CEP70: variants seen among roughly 807,000 people sequenced by gnomAD.
CEP70 encodes the protein centrosomal protein 70, also known as centrosomal protein of 70 kDa.
CEP70 carries 70 observed loss-of-function variants against 90.9 expected under a neutral mutation model. The ratio of observed to expected loss-of-function variants is 0.77; its 90% CI spans 0.64 to 0.94. The LOEUF (loss-of-function observed/expected upper bound fraction) is 0.94. Among genes scored for constraint, CEP70 ranks in the 40% least tolerant of loss-of-function variants. The pLI is 0.00. For missense variants in CEP70, 648 were observed against 669.0 expected (o/e 0.97, Z 0.35); for synonymous variants, 220 against 228.3 (o/e 0.96, Z 0.33).
chr3:138,531,992 T>C (rs910700174), intron 8 of CEP70, among the ~76,000 whole-genome samples: 1 of 152,184 alleles, frequency 6.6e-6, no homozygotes, highest in Non-Finnish European at 1.5e-5. Context: ...ATTAAAGCAT[T>C]TTAGATTATA....
chr3:138,529,137 C>T (rs1055155468), intron 10 of CEP70, 62 bp downstream of exon 10: 8 of 998,294 alleles, frequency 8.0e-6, no homozygotes, highest in East Asian at 2.5e-5. Flanking sequence ...CTGCACTTGG[C>T]CTGAGTGACA....
At chr3:138,513,793 CTTTG>C (rs1056036733) in intron 11 of CEP70, among the ~76,000 whole-genome samples, 7 of 152,064 alleles carry the variant, frequency 4.6e-5, no homozygotes, top group Non-Finnish European at 1.0e-4. Flanking sequence ...AGTGTAGTAC[CTTTG>C]TTTATCTTAT....
intron 2 of CEP70, among the ~76,000 whole-genome samples, chr3:138,574,192 G>A (rs1389664968): frequency 6.6e-6 from 1 of 152,188 alleles, no homozygotes; most frequent in Admixed American, 6.5e-5. Context: ...CCTAGCCAAA[G>A]GAAGCCGTGA....
chr3:138,529,751 AG>A (rs920138125), intron 8 of CEP70, among the ~76,000 whole-genome samples: 5 of 152,192 alleles, frequency 3.3e-5, no homozygotes, highest in Admixed American at 2.6e-4. Context: ...GGAATATAAG[AG>A]GAGGTGAAAA....
intron 11 of CEP70, among the ~76,000 whole-genome samples, chr3:138,514,213 C>T (rs186765451): frequency 4.7e-4 from 71 of 152,258 alleles, no homozygotes; most frequent in African/African-American, 1.6e-3. Flanking sequence ...GTTTCCCTGT[C>T]TCTGTTGGAA....
At chr3:138,514,212 T>C (rs1455761008) in intron 11 of CEP70, among the ~76,000 whole-genome samples, 1 of 152,234 alleles carries the variant, frequency 6.6e-6, no homozygotes, top group Middle Eastern at 3.2e-3. Flanking sequence ...TGTTTCCCTG[T>C]CTCTGTTGGA....
At chr3:138,549,205 G>A (rs888364468) in intron 6 of CEP70, among the ~76,000 whole-genome samples, 2 of 151,020 alleles carry the variant, frequency 1.3e-5, no homozygotes, top group Admixed American at 1.3e-4. Flanking sequence ...CTTTCTGGCC[G>A]AACTCGGGGA....
chr3:138,568,856 G>T (rs1384195878), intron 6 of CEP70, among the ~76,000 whole-genome samples: 1 of 151,934 alleles, frequency 6.6e-6, no homozygotes, highest in African/African-American at 2.4e-5. Flanking sequence ...GTGCATGCCT[G>T]TAGTCCCAGC....
chr3:138,498,221 CTT>C (rs1209773239), intron 16 of CEP70, 111 bp from the exon 17 acceptor site: 2 of 698,394 alleles, frequency 2.9e-6, no homozygotes, highest in Non-Finnish European at 4.7e-6. Flanking sequence ...TAAATATAAA[CTT>C]AATGATCATT....
At chr3:138,575,297 G>A (rs1199675043) in intron 2 of CEP70, among the ~76,000 whole-genome samples, 1 of 152,190 alleles carries the variant, frequency 6.6e-6, no homozygotes, top group Non-Finnish European at 1.5e-5. Context: ...CGAGAACTAT[G>A]TGACACATGC....
intron 7 of CEP70, among the ~76,000 whole-genome samples, chr3:138,535,382 C>A (rs1346756946): frequency 1.3e-5 from 2 of 152,134 alleles, no homozygotes; most frequent in Non-Finnish European, 1.5e-5. Flanking sequence ...ATCCTATCTG[C>A]CCCACCTTAT....
At chr3:138,533,722 A>G (rs1467390352) in intron 7 of CEP70, among the ~76,000 whole-genome samples, 1 of 152,202 alleles carries the variant, frequency 6.6e-6, no homozygotes, top group African/African-American at 2.4e-5. Flanking sequence ...TAGGAAAGCA[A>G]GCAGATTTGT....
chr3:138,496,459 C>T (rs1404420011), intron 17 of CEP70: 2 of 985,274 alleles, frequency 2.0e-6, no homozygotes, highest in African/African-American at 3.5e-5. Context: ...GGTACAAGAT[C>T]AAGGTATTCC....
chr3:138,555,510 A>G (rs1194570065), intron 6 of CEP70, among the ~76,000 whole-genome samples: 20 of 152,196 alleles, frequency 1.3e-4, no homozygotes, highest in Non-Finnish European at 7.3e-5. Context: ...ATCACAATCT[A>G]TACATCCGAC....
Position 138,500,432 on chromosome 3 carries a change from C to T in CEP70, c.1504G>A (p.Ala502Thr). ...VYTRLGEMNN[A>T]VRNLQELLEL... ...AAGAGTTCTTGGAGGTTTCTCACAGCATTGTTCATTTCTCCAAGCCTAGTA... is the reference window on the plus strand; with the variant it reads ...AAGAGTTCTTGGAGGTTTCTCACAGTATTGTTCATTTCTCCAAGCCTAGTA... The change falls in exon 15 of 18, where the codon GCT (alanine) becomes ACT (threonine). Residue 502 changes from alanine (A) to threonine (T), a missense_variant. By Grantham distance (58) the Ala-to-Thr change is moderately conservative. Coordinates refer to ENST00000264982, the MANE Select transcript of CEP70 (RefSeq NM_024491.4). 1 of 1,602,990 alleles carries T rather than the reference C, an allele frequency of 6.2e-7. No homozygotes were observed. Among genetic ancestry groups the T allele is most frequent in the Non-Finnish European group, 8.5e-7 (1 of 1,177,280 alleles).
intron 6 of CEP70, among the ~76,000 whole-genome samples, chr3:138,540,899 A>C (rs897735787): frequency 1.7e-4 from 26 of 152,228 alleles, no homozygotes; most frequent in African/African-American, 6.3e-4. Context: ...ACACCATAGA[A>C]TACTACATAG....
At chr3:138,561,514 G>A (rs2040404577) in intron 6 of CEP70, among the ~76,000 whole-genome samples, 1 of 152,040 alleles carries the variant, frequency 6.6e-6, no homozygotes, top group Non-Finnish European at 1.5e-5. Context: ...TCACCACCAA[G>A]GAAACAAAAC....
chr3:138,572,033 C>T (rs2041212017), intron 3 of CEP70, among the ~76,000 whole-genome samples: 1 of 151,366 alleles, frequency 6.6e-6, no homozygotes, highest in Admixed American at 6.6e-5. Flanking sequence ...CCGCCCTGGC[C>T]TCCCAAAGTG....
At chr3:138,538,187 G>A (rs1394352608) in intron 6 of CEP70, among the ~76,000 whole-genome samples, 1 of 152,174 alleles carries the variant, frequency 6.6e-6, no homozygotes, top group Non-Finnish European at 1.5e-5. Context: ...AAAACTGAGA[G>A]CAACCAAAGA....
Sources: gnomAD v4.1 joint callset for allele counts (sites outside exome capture counted in the v4.1 genomes callset) on GRCh38, gnomAD v4.1.1 for gene constraint, MANE v1.5 for transcripts, NCBI Gene and HGNC (gene_info 2026-07-23, HGNC 2026-07-21) for gene names.